PDE4D: variants seen among roughly 807,000 people sequenced by gnomAD.
PDE4D encodes phosphodiesterase 4D, also known as 3',5'-cyclic-AMP phosphodiesterase 4D.
Under a neutral mutation model 87.4 loss-of-function variants are expected in PDE4D, and 24 were observed. That is an observed-to-expected ratio of 0.27 (90% CI 0.20 to 0.39). The LOEUF is 0.39. PDE4D is among the 10% of genes least tolerant of loss of function. PDE4D has a pLI of 1.00. For synonymous variants in PDE4D, 384 were observed against 383.2 expected (o/e 1.00, Z -0.02); for missense variants, 714 against 1,041.0 (o/e 0.69, Z 4.32).
intron 1 of PDE4D, among the ~76,000 whole-genome samples, chr5:59,673,149 T>C (rs547896299): frequency 6.6e-6 from 1 of 152,350 alleles, no homozygotes; most frequent in East Asian, 1.9e-4. Context: ...CCTTGTGCTT[T>C]TGGGGATCTG....
At chr5:60,032,857 G>T (rs1340084695) in intron 2 of PDE4D, 1 of 152,188 alleles carries the variant, frequency 6.6e-6, no homozygotes, top group Non-Finnish European at 1.5e-5. Flanking sequence ...CTCAGAGAGA[G>T]AAACTACATT....
chr5:60,470,239 G>A (rs1175159854), intron 1 of PDE4D, among the ~76,000 whole-genome samples: 1 of 152,142 alleles, frequency 6.6e-6, no homozygotes, highest in African/African-American at 2.4e-5. Context: ...AATTCTACAA[G>A]GGCTGAGAGA....
intron 1 of PDE4D, among the ~76,000 whole-genome samples, chr5:59,602,575 G>A (rs975351498): frequency 8.6e-5 from 13 of 151,992 alleles, no homozygotes; most frequent in African/African-American, 2.6e-4. Flanking sequence ...TAGATTGGAG[G>A]AATTAATATT....
Position 59,893,397 on chromosome 5 carries a change from G to A in PDE4D, c.226C>T (p.Pro76Ser). 6 of 1,295,442 alleles carry A rather than the reference G, an allele frequency of 4.6e-6. No individual in the cohort carries two copies. The highest frequency in any genetic ancestry group is 5.9e-6 in the Non-Finnish European group (6 of 1,018,818). The allele number at this position is 1,295,442 out of a possible 1,614,324, so 80.2% of individuals were successfully genotyped here. A position where few individuals can be genotyped will look rare whatever the true frequency, so the allele number is the denominator to read the frequency against. Residue 76 changes from proline (P) to serine (S), a missense_variant, in exon 1 of 15, where the codon CCG becomes TCG. Pro to Ser is a moderately conservative substitution (Grantham distance 74). This residue lies in a region of PDE4D where 268 missense variants were observed against 272.9 expected (regional missense o/e 0.98). Coordinates refer to ENST00000340635, the MANE Select transcript of PDE4D (RefSeq NM_001104631.2). The stretch of plus-strand genomic sequence containing the variant: ...GGCGGCGGCAGGGGGGGCGGCGGCG[G>A]CGGCTGTAGCGGACACTGGGGCTGG... ...QPQPQCPLQP[P>S]PPPPLPPPPP...
At chr5:60,334,707 T>G (rs923502931) in intron 1 of PDE4D, among the ~76,000 whole-genome samples, 1 of 151,072 alleles carries the variant, frequency 6.6e-6, no homozygotes, top group South Asian at 2.1e-4. Context: ...GCTGCCAGGA[T>G]GGAAAGAACT....
intron 1 of PDE4D, among the ~76,000 whole-genome samples, chr5:59,506,344 A>G (rs1809259439): frequency 6.6e-6 from 1 of 152,172 alleles, no homozygotes; most frequent in Non-Finnish European, 1.5e-5. Flanking sequence ...ATCCTGAGTT[A>G]GCATTTAAAT....
At chr5:59,478,744 A>C (rs1803742619) in intron 1 of PDE4D, among the ~76,000 whole-genome samples, 1 of 152,086 alleles carries the variant, frequency 6.6e-6, no homozygotes, top group South Asian at 2.1e-4. Context: ...GGAAGACATA[A>C]AATAACTGAG....
chr5:59,192,344 G>A (rs150003581), intron 3 of PDE4D, among the ~76,000 whole-genome samples: 145 of 152,178 alleles, frequency 9.5e-4, no homozygotes, highest in African/African-American at 3.1e-3. Flanking sequence ...TTTTATAAGC[G>A]TGGTATTATT....
chr5:59,926,108 T>C (rs1755243688), intron 3 of PDE4D, among the ~76,000 whole-genome samples: 1 of 152,088 alleles, frequency 6.6e-6, no homozygotes, highest in African/African-American at 2.4e-5. Context: ...ATAGACCACA[T>C]GTTAGGCCAC....
At chr5:59,577,683 T>A (rs1823402058) in intron 1 of PDE4D, among the ~76,000 whole-genome samples, 1 of 152,126 alleles carries the variant, frequency 6.6e-6, no homozygotes, top group Non-Finnish European at 1.5e-5. Context: ...GCAAGCTCTG[T>A]ATAAAGTAGT....
chr5:59,146,199 AT>A (rs1040407319), intron 5 of PDE4D, among the ~76,000 whole-genome samples: 4 of 152,174 alleles, frequency 2.6e-5, no homozygotes, highest in Non-Finnish European at 5.9e-5. Context: ...CTAAAAAAAA[AT>A]ATACACATAA....
intron 5 of PDE4D, among the ~76,000 whole-genome samples, chr5:59,112,609 CG>C (rs1772858470): frequency 6.6e-6 from 1 of 151,890 alleles, no homozygotes; most frequent in African/African-American, 2.4e-5. Flanking sequence ...GTATTAGATA[CG>C]AGATGTTCTA....
chr5:59,404,052 C>T (rs1791169624), intron 1 of PDE4D, among the ~76,000 whole-genome samples: 1 of 152,166 alleles, frequency 6.6e-6, no homozygotes, highest in Non-Finnish European at 1.5e-5. Flanking sequence ...CCCTGATGAC[C>T]AATGACATTG....
intron 3 of PDE4D, among the ~76,000 whole-genome samples, chr5:59,917,353 A>G (rs1304353722): frequency 2.6e-5 from 4 of 152,114 alleles, no homozygotes; most frequent in Non-Finnish European, 4.4e-5. Context: ...TCAATGGGGA[A>G]CAAACCAGAG....
At chr5:59,440,834 T>C (rs940116712) in intron 1 of PDE4D, among the ~76,000 whole-genome samples, 2 of 152,126 alleles carry the variant, frequency 1.3e-5, no homozygotes, top group African/African-American at 4.8e-5. Context: ...TTAGAAGCCA[T>C]GGGAAATTCA....
intron 1 of PDE4D, among the ~76,000 whole-genome samples, chr5:59,515,353 T>C (rs1215520663): frequency 6.6e-6 from 1 of 152,238 alleles, no homozygotes; most frequent in Non-Finnish European, 1.5e-5. Context: ...TCTCAGTGCC[T>C]GACCTACCAC....
Position 59,031,966 on chromosome 5 carries a change from G to A in PDE4D, c.921+6893C>T, listed in dbSNP as rs1461523999. 5.3e-5 allele frequency among the ~76,000 whole-genome samples: 8 copies of A among 151,842 alleles called. No individual in the cohort carries two copies. The South Asian group carries it at 1.2e-3, about 24-fold the overall frequency. ...GAGGGAGAGAGAAATGGAAGATGTC[G>A]ATCAAACAGTACAAAATTTCAGTTA... is the stretch of plus-strand genomic sequence containing the variant. On this transcript the variant is annotated intron_variant, in intron 6 of 14. Transcript: ENST00000340635.
chr5:60,279,237 G>A (rs1751657460), intron 1 of PDE4D, among the ~76,000 whole-genome samples: 1 of 152,176 alleles, frequency 6.6e-6, no homozygotes, highest in Non-Finnish European at 1.5e-5. Context: ...GGGCAGTGGT[G>A]AAGGTCCTGA....
intron 1 of PDE4D, among the ~76,000 whole-genome samples, chr5:60,252,428 G>C (rs1748585210): frequency 7.5e-6 from 1 of 133,010 alleles, no homozygotes; most frequent in African/African-American, 2.9e-5. Context: ...TCAAACATTA[G>C]CTATAGACTC....
Sources: gnomAD v4.1 joint callset for allele counts (sites outside exome capture counted in the v4.1 genomes callset) on GRCh38, gnomAD v4.1.1 for gene constraint, gnomAD v4.1.1 regional missense constraint, MANE v1.5 for transcripts, NCBI Gene and HGNC (gene_info 2026-07-23, HGNC 2026-07-21) for gene names.